The following SI variants were observed in gnomAD, a reference collection of about 807,000 sequenced individuals.
SI encodes the protein sucrase-isomaltase, intestinal.
SI carries 235 observed loss-of-function variants against 253.3 expected under a neutral mutation model. That is an observed-to-expected ratio of 0.93 (90% CI 0.83 to 1.03). The LOEUF (loss-of-function observed/expected upper bound fraction) is 1.03. Among genes scored for constraint, SI ranks in the 50% least tolerant of loss-of-function variants. The probability of loss-of-function intolerance (pLI) is 0.00; values close to 1 mark genes in which losing one functional copy is unlikely to be tolerated. For missense variants in SI, 2,442 were observed against 2,211.1 expected, an observed-to-expected ratio of 1.10 and a Z score of -2.09; for synonymous variants, 819 against 712.0, an observed-to-expected ratio of 1.15 and a Z score of -2.39.
intron 28 of SI, among the ~76,000 whole-genome samples, 188 bp from the exon 29 acceptor site, chr3:165,018,254 T>C (rs1719137970): frequency 6.6e-6 from 1 of 151,422 alleles, no homozygotes; most frequent in African/African-American, 2.4e-5. Flanking sequence ...TTTTTCTGCT[T>C]TCGTGCAGTT....
intron 21 of SI, among the ~76,000 whole-genome samples, chr3:165,036,972 T>A (rs1255689995): frequency 1.3e-5 from 2 of 149,472 alleles, no homozygotes; most frequent in Non-Finnish European, 3.0e-5. Flanking sequence ...GAAATATGGT[T>A]TTTTTTTTTA....
chr3:164,989,088 TAATA>T lies in SI; in HGVS notation c.5109-1866_5109-1863del, dbSNP rs143651827. ...TACCCTAAAACTTAAAGTATAATAA[TAATA>T]AATAAATAAATAAATACATAATTAA... is the stretch of plus-strand genomic sequence containing the variant. On this transcript the variant is annotated intron_variant, in intron 44 of 47. Coordinates refer to ENST00000264382, the MANE Select transcript of SI (RefSeq NM_001041.4). Among the ~76,000 whole-genome samples the T allele has an allele frequency of 2.4e-3, 349 of 148,486 alleles. 1 individual carries two copies. The highest frequency in any genetic ancestry group is 8.6e-3 in the African/African-American group (340 of 39,508).
Position 165,023,691 on chromosome 3 carries a change from A to G in SI, c.2978T>C (p.Met993Thr), listed in dbSNP as rs763936910. ...YSVNSARYSS[M>T]GITADLQLNT... is the part of the protein sequence containing the mutation. ...TAGTTGGAGGTCAGCTGTTATACCC[A>G]TGGATGAATAGCGAGCTGAGTTGAC... Residue 993 changes from methionine to threonine, a missense_variant, in exon 26 of 48, where the codon ATG becomes ACG. By Grantham distance (81) the Met-to-Thr change is moderately conservative. Transcript: ENST00000264382. 1 of 1,610,816 alleles carries G rather than the reference A, an allele frequency of 6.2e-7. No individual in the cohort carries two copies.
At chr3:165,073,998 C>G (rs910474144) in intron 3 of SI, among the ~76,000 whole-genome samples, 1 of 151,976 alleles carries the variant, frequency 6.6e-6, no homozygotes, top group African/African-American at 2.4e-5. Flanking sequence ...TATTCCCACA[C>G]AGGTTTGTGG....
At position 164,983,119 on chromosome 3, in the gene SI, T is replaced by C. The variant is rs1295378049; in HGVS notation, c.5198-68A>G. 8 of 1,431,680 alleles carry C rather than the reference T, an allele frequency of 5.6e-6. No individual in the cohort carries two copies. The East Asian group carries it at 9.8e-5, about 17-fold the overall frequency. The allele number at this position is 1,431,680 out of a possible 1,614,324, so 88.7% of individuals were successfully genotyped here. A position where few individuals can be genotyped will look rare whatever the true frequency, so the allele number is the denominator to read the frequency against. On this transcript the variant is annotated intron_variant, in intron 45 of 47. Transcript: ENST00000264382. Reference sequence around the variant, plus strand: ...AGAAGAACCATAGTAAATACCTGTATACTTTGCTTCTCTTTCCCAGTATAA... The same window carrying C: ...AGAAGAACCATAGTAAATACCTGTACACTTTGCTTCTCTTTCCCAGTATAA...
chr3:165,080,599 G>A (rs915067214), upstream of SI, among the ~76,000 whole-genome samples: 2 of 151,984 alleles, frequency 1.3e-5, no homozygotes, highest in South Asian at 2.1e-4. Context: ...CATGTCCTTT[G>A]TAGGGACATG....
At chr3:165,055,350 A>G in intron 12 of SI, 43 bp from the exon 13 acceptor site, 1 of 1,024,644 alleles carries the variant, frequency 9.8e-7, no homozygotes, top group Non-Finnish European at 1.5e-6. Flanking sequence ...AAAAATAGAA[A>G]AATAAATAAA....
intron 2 of SI, among the ~76,000 whole-genome samples, chr3:165,075,138 A>G (rs1466723214): frequency 6.6e-6 from 1 of 152,014 alleles, no homozygotes; most frequent in Non-Finnish European, 1.5e-5. Context: ...AAGCTGGAAT[A>G]GCGAAGAATG....
chr3:165,012,063 C>T (rs765162575), intron 34 of SI, among the ~76,000 whole-genome samples: 11 of 152,064 alleles, frequency 7.2e-5, no homozygotes, highest in Admixed American at 3.3e-4. Context: ...TTATCATTTG[C>T]ATTTAATATC....
Position 165,046,916 on chromosome 3 carries a change from G to T in SI, c.1812C>A (p.Asp604Glu). 1.2e-6 allele frequency: 2 copies of T among 1,613,048 alleles called. No homozygotes were observed. The highest frequency in any genetic ancestry group is 1.7e-6 in the Non-Finnish European group (2 of 1,179,388). ...CCATTTGTTCCCATGAAGCAGTATT[G>T]TCTCCTAACCAATGCGCAGCATGTC... ...SGRHAAHWLG[D>E]NTASWEQMEW... The change falls in exon 16 of 48, where the codon GAC (aspartate) becomes GAA (glutamate). Residue 604 changes from aspartate to glutamate, a missense_variant. By Grantham distance (45) the Asp-to-Glu change is conservative (BLOSUM62 2). Coordinates refer to ENST00000264382, the MANE Select transcript of SI (RefSeq NM_001041.4).
chr3:165,038,557 CA>C lies in SI; in HGVS notation c.2301+520del, dbSNP rs11380597. ...ACCCCATCTCTACTAAAAAAAAATT[CA>C]AAAAAAAAAAATAAATAAATATTGC... On this transcript the variant is annotated intron_variant, in intron 20 of 47. Coordinates refer to ENST00000264382, the MANE Select transcript of SI (RefSeq NM_001041.4). 8.4e-3 allele frequency among the ~76,000 whole-genome samples: 1,217 copies of C among 144,472 alleles called. 12 individuals carry two copies. Among genetic ancestry groups the C allele is most frequent in the African/African-American group, 0.028 (1,090 of 38,942 alleles). 94.8% of individuals were successfully genotyped at this position (144,472 alleles called of 152,430 possible).
chr3:165,068,474 C>T (rs1198295654), intron 5 of SI, among the ~76,000 whole-genome samples: 2 of 152,084 alleles, frequency 1.3e-5, no homozygotes, highest in Non-Finnish European at 2.9e-5. Flanking sequence ...CCCGGGTTCT[C>T]GCCATTCTCC....
intron 31 of SI, among the ~76,000 whole-genome samples, chr3:165,016,840 T>C (rs1719054256): frequency 6.6e-6 from 1 of 151,956 alleles, no homozygotes; most frequent in African/African-American, 2.4e-5. Context: ...CATGTTTCTG[T>C]ATTGTCAACA....
chr3:165,068,050 A>G (rs1027182856), intron 5 of SI, among the ~76,000 whole-genome samples: 6 of 151,828 alleles, frequency 4.0e-5, no homozygotes, highest in African/African-American at 1.5e-4. Flanking sequence ...TTATACTAGT[A>G]AACTACGTGC....
rs769405534 is a variant in SI at position 165,060,033 on chromosome 3, A to G, written c.1021-6T>C. 6.2e-7 allele frequency: 1 copy of G among 1,610,182 alleles called. No homozygotes were observed. The highest frequency in any genetic ancestry group is 1.7e-5 in the Admixed American group (1 of 59,826). On this transcript the variant is annotated splice_region_variant and splice_polypyrimidine_tract_variant and intron_variant, in intron 9 of 47. Transcript: ENST00000264382. Reference sequence around the variant, plus strand: ...ATTGCTGGTAGTCCAACAAGCTTAAAGTAAATGAGCATGTAATTAGTTTGA... The same window carrying G: ...ATTGCTGGTAGTCCAACAAGCTTAAGGTAAATGAGCATGTAATTAGTTTGA...
chr3:165,066,269 G>A (rs946957726), intron 6 of SI, among the ~76,000 whole-genome samples: 2 of 151,906 alleles, frequency 1.3e-5, no homozygotes, highest in East Asian at 3.9e-4. Flanking sequence ...AGGAACTTGA[G>A]CATCCATGGA....
intron 32 of SI, 73 bp downstream of exon 32, chr3:165,015,878 TC>T (rs963095032): frequency 7.7e-6 from 10 of 1,295,138 alleles, no homozygotes; most frequent in East Asian, 2.3e-5. Context: ...TGAAACATCT[TC>T]CCCCCCACCT....
chr3:164,980,969 A>G (rs1446895736), intron 47 of SI, among the ~76,000 whole-genome samples: 2 of 152,098 alleles, frequency 1.3e-5, no homozygotes, highest in South Asian at 2.1e-4. Context: ...ATTGTGATTG[A>G]TAACTATTGA....
In SI at chr3:165,030,576, C is replaced by T. The variant is rs947322950; in HGVS notation, c.2892+136G>A. On this transcript the variant is annotated intron_variant, in intron 25 of 47. Coordinates refer to ENST00000264382, the MANE Select transcript of SI (RefSeq NM_001041.4). ...AAAAGTGAATTGCCTGTCAGAGATGCTAACTTCAAATTCCAAATGATTATC... is the reference window on the plus strand; with the variant it reads ...AAAAGTGAATTGCCTGTCAGAGATGTTAACTTCAAATTCCAAATGATTATC... 3.3e-6 allele frequency: 3 copies of T among 907,482 alleles called. No individual in the cohort carries two copies. In the Admixed American group the frequency reaches 6.4e-5, roughly 19 times the overall value. The allele number at this position is 907,482 out of a possible 1,614,324, so 56.2% of individuals were successfully genotyped here. A position where few individuals can be genotyped will look rare whatever the true frequency, so the allele number is the denominator to read the frequency against.
Sources: gnomAD v4.1 joint callset for allele counts (sites outside exome capture counted in the v4.1 genomes callset) on GRCh38, gnomAD v4.1.1 for gene constraint, MANE v1.5 for transcripts, NCBI Gene and HGNC (gene_info 2026-07-23, HGNC 2026-07-21) for gene names.